SRFBP1: variants seen among roughly 807,000 people sequenced by gnomAD.
SRFBP1 encodes the protein serum response factor-binding protein 1.
Under a neutral mutation model 45.5 loss-of-function variants are expected in SRFBP1, and 47 were observed. The ratio of observed to expected loss-of-function variants is 1.03; its 90% confidence interval spans 0.82 to 1.32. The LOEUF (loss-of-function observed/expected upper bound fraction) is 1.32, where lower values mean the gene tolerates loss of function less well. Among genes scored for constraint, SRFBP1 ranks in the 40% most tolerant of loss-of-function variants. The probability of loss-of-function intolerance (pLI) is 0.00; values close to 1 mark genes in which losing one functional copy is unlikely to be tolerated. For synonymous variants in SRFBP1, 203 were observed against 166.3 expected (o/e 1.22, Z -1.70); for missense variants, 621 against 484.6 (o/e 1.28, Z -2.64).
chr5:122,078,165 C>A, downstream of SRFBP1: 1 of 511,286 alleles, frequency 2.0e-6, no homozygotes, highest in Non-Finnish European at 3.2e-6. Flanking sequence ...CCAGTCAAGG[C>A]GGCTGCTCGG....
rs1276895806 is a variant in SRFBP1 at position 121,975,367 on chromosome 5, G to T, written c.178G>T (p.Glu60Ter). The change falls in exon 3 of 8, where the codon GAA (glutamate) becomes TAA (stop). Residue 60 changes from glutamate (E) to a stop codon, truncating the protein, a stop_gained. Coordinates refer to ENST00000339397, the MANE Select transcript of SRFBP1 (RefSeq NM_152546.3). LOFTEE classifies it high-confidence loss of function. ...CCAAAGACGGGCGCAAAGATTGCTT[G>T]AAGAAATCCATGCCATGAAGGTAAG... ...KNQRRAQRLL[E>*]EIHAMKELKP... 6.2e-7 allele frequency: 1 copy of T among 1,613,282 alleles called. No individual in the cohort carries two copies. Among genetic ancestry groups the T allele is most frequent in the Non-Finnish European group, 8.5e-7 (1 of 1,179,350 alleles).
intron 2 of SRFBP1, among the ~76,000 whole-genome samples, chr5:122,047,165 T>A (rs1165549380): frequency 6.6e-6 from 1 of 152,220 alleles, no homozygotes; most frequent in Non-Finnish European, 1.5e-5. Flanking sequence ...TCTTCTAGGG[T>A]TTTTATGGTT....
In SRFBP1 at chr5:121,994,628, T is replaced by G. The variant is rs748561380; in HGVS notation, c.228T>G (p.Ser76=). The change falls in exon 4 of 8, where the codon TCT becomes TCG. Residue 76 remains serine, a synonymous_variant. Coordinates refer to ENST00000339397, the MANE Select transcript of SRFBP1 (RefSeq NM_152546.3). ...KELKPDIVTK[S]ALGDDINFEK... ...TGAAACCTGACATAGTAACTAAATCTGCTCTTGGTGATGATATCAACTTTG... is the reference window on the plus strand; with the variant it reads ...TGAAACCTGACATAGTAACTAAATCGGCTCTTGGTGATGATATCAACTTTG... 5.0e-6 allele frequency: 8 copies of G among 1,597,956 alleles called. No homozygotes were observed. Among genetic ancestry groups the G allele is most frequent in the Non-Finnish European group, 6.8e-6 (8 of 1,173,510 alleles).
At chr5:121,964,231 A>G (rs1752012717) in intron 1 of SRFBP1, among the ~76,000 whole-genome samples, 1 of 152,044 alleles carries the variant, frequency 6.6e-6, no homozygotes, top group Non-Finnish European at 1.5e-5. Context: ...GTTCTGGGGT[A>G]CATGTGCAGA....
intron 3 of SRFBP1, among the ~76,000 whole-genome samples, chr5:121,981,673 A>G (rs1314216447): frequency 6.7e-6 from 1 of 149,850 alleles, no homozygotes; most frequent in Non-Finnish European, 1.5e-5. Context: ...ATAAACATTT[A>G]CTCTTCCTTC....
At chr5:122,033,980 C>T (rs1345826022) in intron 2 of SRFBP1, among the ~76,000 whole-genome samples, 3 of 151,746 alleles carry the variant, frequency 2.0e-5, no homozygotes, top group Non-Finnish European at 4.4e-5. Flanking sequence ...CACGCCACCA[C>T]GCCCAGCTAA....
chr5:122,007,883 A>G (rs1294153825), intron 4 of SRFBP1, among the ~76,000 whole-genome samples: 1 of 152,134 alleles, frequency 6.6e-6, no homozygotes, highest in Non-Finnish European at 1.5e-5. Context: ...GGGCAGACTT[A>G]GTGCTGCATA....
intron 2 of SRFBP1, among the ~76,000 whole-genome samples, chr5:122,053,841 A>G (rs1754032242): frequency 6.6e-6 from 1 of 151,966 alleles, no homozygotes; most frequent in South Asian, 2.1e-4. Context: ...AGGTGGAGTC[A>G]CATGCCCTGC....
Position 122,020,749 on chromosome 5 carries a change from A to G in SRFBP1, c.1014A>G (p.Arg338=), listed in dbSNP as rs1273911397. 3.7e-6 allele frequency: 6 copies of G among 1,604,544 alleles called. No homozygotes were observed. In the East Asian group the frequency reaches 8.9e-5, roughly 24 times the overall value. ...NDKIKPSTET[R]KLESVFFHSL... Reference sequence around the variant, plus strand: ...AAATCAAGCCAAGTACAGAAACCAGAAAGTTAGAATCAGTGTTTTTCCACT... The same window carrying G: ...AAATCAAGCCAAGTACAGAAACCAGGAAGTTAGAATCAGTGTTTTTCCACT... The change falls in exon 6 of 8, where the codon AGA becomes AGG. Residue 338 remains arginine, a synonymous_variant. Coordinates refer to ENST00000339397, the MANE Select transcript of SRFBP1 (RefSeq NM_152546.3).
At chr5:121,980,825 G>C (rs57974587) in intron 3 of SRFBP1, among the ~76,000 whole-genome samples, 2,156 of 152,148 alleles carry the variant, frequency 0.014, 50 homozygotes, top group African/African-American at 0.049. Context: ...CTTTGAATCT[G>C]CTACTTGTCT....
At chr5:121,973,563 T>C (rs939443864) in intron 1 of SRFBP1, among the ~76,000 whole-genome samples, 1 of 147,662 alleles carries the variant, frequency 6.8e-6, no homozygotes, top group South Asian at 2.2e-4. Context: ...TAAACATTGT[T>C]CTCCAGTAGG....
intron 4 of SRFBP1, among the ~76,000 whole-genome samples, chr5:122,011,741 G>A (rs949705521): frequency 5.3e-5 from 8 of 152,102 alleles, no homozygotes; most frequent in African/African-American, 7.2e-5. Context: ...AATATAAAGA[G>A]GGAAGAAGTT....
At chr5:122,017,121 C>T (rs909197384) in intron 4 of SRFBP1, among the ~76,000 whole-genome samples, 13 of 152,100 alleles carry the variant, frequency 8.5e-5, no homozygotes, top group African/African-American at 3.1e-4. Context: ...CCCAGCTACT[C>T]GGGAGGCTGA....
rs116208274 is a variant in SRFBP1 at position 122,054,417 on chromosome 5, G to A, written n.312-20898G>A. ...GCTGTTTGTGTTCCCCTGCTGACTT[G>A]CTGGGTCCCCAGTGTGGTTTCTCAG... is the stretch of plus-strand genomic sequence containing the variant. On this transcript the variant is annotated intron_variant and non_coding_transcript_variant, in intron 2 of 2. Coordinates refer to the SRFBP1 transcript ENST00000504881. 6.8e-3 allele frequency among the ~76,000 whole-genome samples: 1,030 copies of A among 152,312 alleles called. 10 individuals carry two copies. The highest frequency in any genetic ancestry group is 0.023 in the African/African-American group (947 of 41,568).
chr5:122,008,330 G>T (rs1269915421), intron 4 of SRFBP1, among the ~76,000 whole-genome samples: 1 of 152,088 alleles, frequency 6.6e-6, no homozygotes, highest in Non-Finnish European at 1.5e-5. Flanking sequence ...CTAGCACTAG[G>T]GTGGGCCTGG....
At chr5:122,051,489 G>A (rs893023046) in intron 2 of SRFBP1, among the ~76,000 whole-genome samples, 4 of 150,204 alleles carry the variant, frequency 2.7e-5, no homozygotes, top group African/African-American at 9.8e-5. Flanking sequence ...TGAATTAAAC[G>A]CTTTATCATT....
intron 3 of SRFBP1, among the ~76,000 whole-genome samples, chr5:121,976,900 C>G (rs1486048031): frequency 6.6e-6 from 1 of 151,092 alleles, no homozygotes; most frequent in Admixed American, 6.6e-5. Context: ...TACACACACA[C>G]TACATTCTTT....
At chr5:121,999,825 C>T (rs1158206084) in intron 4 of SRFBP1, among the ~76,000 whole-genome samples, 1 of 152,014 alleles carries the variant, frequency 6.6e-6, no homozygotes, top group Non-Finnish European at 1.5e-5. Context: ...CTCCATATGT[C>T]TGTGTACTTA....
intron 1 of SRFBP1, among the ~76,000 whole-genome samples, chr5:121,973,914 G>C (rs1752250414): frequency 6.6e-6 from 1 of 151,740 alleles, no homozygotes; most frequent in Non-Finnish European, 1.5e-5. Flanking sequence ...TCCAAGCCCA[G>C]CAAGATATAA....
Sources: gnomAD v4.1 joint callset for allele counts (sites outside exome capture counted in the v4.1 genomes callset) on GRCh38, gnomAD v4.1.1 for gene constraint, MANE v1.5 for transcripts, NCBI Gene and HGNC (gene_info 2026-07-23, HGNC 2026-07-21) for gene names.